The following DMD variants were observed in gnomAD, a reference collection of about 807,000 sequenced individuals.
The protein encoded by DMD is dystrophin, also known as mutant dystrophin.
In DMD, 63 loss-of-function variants were observed where a neutral mutation model predicts 330.1. The ratio of observed to expected loss-of-function variants is 0.19; its 90% confidence interval spans 0.16 to 0.24. DMD has a LOEUF of 0.24. Ranked by LOEUF, DMD falls within the 10% of genes least tolerant of loss-of-function variation. DMD has a pLI of 1.00. For missense variants in DMD, 3,344 were observed against 2,684.1 expected, an observed-to-expected ratio of 1.25 and a Z score of -5.43; for synonymous variants, 1,223 against 959.8, an observed-to-expected ratio of 1.27 and a Z score of -5.07.
intron 9 of DMD, among the ~76,000 whole-genome samples, chrX:32,649,118 GTTTT>G (rs987360639): frequency 1.0e-5 from 1 of 97,996 alleles, no homozygotes. Flanking sequence ...TTCTGTTTTT[GTTTT>G]TTTTTTTTCC....
intron 39 of DMD, among the ~76,000 whole-genome samples, chrX:32,344,654 C>G (rs1183537066): frequency 1.8e-5 from 2 of 110,974 alleles, no homozygotes; most frequent in Non-Finnish European, 3.8e-5. Context: ...TGGTGGTCAT[C>G]AATCTGAAAC....
At chrX:31,420,534 C>T (rs2063312704) in intron 60 of DMD, among the ~76,000 whole-genome samples, 1 of 112,200 alleles carries the variant, frequency 8.9e-6, no homozygotes, top group South Asian at 3.7e-4. Flanking sequence ...TTTTTTTAAT[C>T]ACCCTTATAG....
chrX:32,788,673 C>G lies in DMD; in HGVS notation c.649+20820G>C, dbSNP rs754840113. 1.4e-3 allele frequency among the ~76,000 whole-genome samples: 160 copies of G among 111,831 alleles called. No homozygotes were observed. The Middle Eastern group carries it at 0.056, about 39-fold the overall frequency. ...CTAAAATACAAACTGTTTAGCAAAA[C>G]TAACCCTGGATAAATGGTAAATAAA... On this transcript the variant is annotated intron_variant, in intron 7 of 78. Coordinates refer to ENST00000357033, the MANE Select transcript of DMD (RefSeq NM_004006.3).
intron 45 of DMD, among the ~76,000 whole-genome samples, chrX:31,946,815 T>G (rs1344357923): frequency 9.1e-6 from 1 of 109,322 alleles, no homozygotes; most frequent in Admixed American, 9.8e-5. Flanking sequence ...TTTTCTCCAC[T>G]GGGAGCTGAC....
intron 2 of DMD, among the ~76,000 whole-genome samples, chrX:32,967,901 C>G (rs2092228299): frequency 8.9e-6 from 1 of 111,973 alleles, no homozygotes; most frequent in Non-Finnish European, 1.9e-5. Context: ...TCTGACCTGT[C>G]CAGTTAGCTT....
intron 7 of DMD, among the ~76,000 whole-genome samples, chrX:32,803,954 T>C (rs941215619): frequency 8.9e-6 from 1 of 112,029 alleles, no homozygotes; most frequent in African/African-American, 3.2e-5. Context: ...GAGAGTTCTG[T>C]AGATGTCTAT....
At chrX:32,413,031 A>G (rs2098150127) in intron 29 of DMD, among the ~76,000 whole-genome samples, 1 of 110,984 alleles carries the variant, frequency 9.0e-6, no homozygotes, top group African/African-American at 3.3e-5. Context: ...GGAAGAGGGA[A>G]GGCTTTCCCA....
intron 56 of DMD, among the ~76,000 whole-genome samples, chrX:31,503,846 G>C (rs766281995): frequency 9.1e-6 from 1 of 110,327 alleles, no homozygotes; most frequent in Admixed American, 9.7e-5. Context: ...AATGATGCTT[G>C]GTGAGAAAGG....
chrX:31,330,338 A>C (rs1191584433), intron 61 of DMD, among the ~76,000 whole-genome samples: 1 of 111,741 alleles, frequency 8.9e-6, no homozygotes, highest in East Asian at 2.8e-4. Flanking sequence ...GCTAGAATAA[A>C]GTGGGATGAA....
At chrX:33,205,777 A>C (rs1488553604) in intron 1 of DMD, among the ~76,000 whole-genome samples, 1 of 112,083 alleles carries the variant, frequency 8.9e-6, no homozygotes, top group East Asian at 2.8e-4. Flanking sequence ...GCTAACACTG[A>C]CCTTTTTTAA....
At position 32,969,653 on chromosome X, in the gene DMD, TA is replaced by T. The variant is rs937443534; in HGVS notation, c.93+50485del. 2.1e-4 allele frequency among the ~76,000 whole-genome samples: 20 copies of T among 94,930 alleles called. 4 individuals carry two copies. Among genetic ancestry groups the T allele is most frequent in the African/African-American group, 9.5e-4 (20 of 21,132 alleles). 82.4% of individuals were successfully genotyped at this position (94,930 alleles called of 115,157 possible). On this transcript the variant is annotated intron_variant, in intron 2 of 78. Transcript: ENST00000357033. ...CAAATAGAACAATTTGACATATATA[TA>T]ATAAACTAGAACACATATGCACATA...
intron 55 of DMD, among the ~76,000 whole-genome samples, chrX:31,585,422 G>A (rs2076552444): frequency 9.3e-6 from 1 of 107,243 alleles, no homozygotes; most frequent in Non-Finnish European, 1.9e-5. Context: ...ACCAGTCTAA[G>A]ATATTTCTAG....
chrX:32,768,892 C>G (rs2073293400), intron 7 of DMD, among the ~76,000 whole-genome samples: 1 of 111,613 alleles, frequency 9.0e-6, no homozygotes, highest in Admixed American at 9.5e-5. Context: ...CTGCATTATC[C>G]TTGTAGACAG....
chrX:32,093,739 G>A (rs951478900), intron 44 of DMD, among the ~76,000 whole-genome samples: 1 of 111,092 alleles, frequency 9.0e-6, no homozygotes, highest in African/African-American at 3.3e-5. Flanking sequence ...GATGAAAACA[G>A]CTTGTGCCTC....
intron 44 of DMD, among the ~76,000 whole-genome samples, chrX:32,096,465 C>CA (rs1178978718): frequency 2.7e-5 from 3 of 109,377 alleles, no homozygotes; most frequent in Admixed American, 2.0e-4. Flanking sequence ...ATTATATTAC[C>CA]AACAAAAAAC....
At chrX:32,821,605 A>T (rs1235711259) in intron 5 of DMD, among the ~76,000 whole-genome samples, 2 of 108,996 alleles carry the variant, frequency 1.8e-5, no homozygotes, top group Non-Finnish European at 3.8e-5. Flanking sequence ...AAATAAAAAA[A>T]AATAAAAATA....
Position 33,163,074 on chromosome X carries a change from T to C in DMD, c.31+48208A>G. The stretch of plus-strand genomic sequence containing the variant: ...AATAGACTGCTATCCTGCCATGGCT[T>C]CGCTTAATACAAATTTGTACAATAT... On this transcript the variant is annotated intron_variant, in intron 1 of 78. Coordinates refer to ENST00000357033, the MANE Select transcript of DMD (RefSeq NM_004006.3). 2.7e-5 allele frequency among the ~76,000 whole-genome samples: 3 copies of C among 111,610 alleles called. No individual in the cohort carries two copies. In the Middle Eastern group the frequency reaches 0.014, roughly 512 times the overall value.
intron 2 of DMD, among the ~76,000 whole-genome samples, chrX:32,950,447 A>G (rs1197708552): frequency 9.0e-6 from 1 of 110,671 alleles, no homozygotes; most frequent in Non-Finnish European, 1.9e-5. Flanking sequence ...TAGGGAGATC[A>G]CTCTGTTGGC....
chrX:32,733,898 A>T (rs1391593389), intron 7 of DMD, among the ~76,000 whole-genome samples: 1 of 104,742 alleles, frequency 9.5e-6, no homozygotes, highest in Non-Finnish European at 1.9e-5. Context: ...GCAGAAGACA[A>T]GAAATAACTA....
Sources: gnomAD v4.1 joint callset for allele counts (sites outside exome capture counted in the v4.1 genomes callset) on GRCh38, gnomAD v4.1.1 for gene constraint, MANE v1.5 for transcripts, NCBI Gene and HGNC (gene_info 2026-07-23, HGNC 2026-07-21) for gene names.